Variants in ANKRD30B observed in about 807,000 individuals in gnomAD.
ANKRD30B encodes ankyrin repeat domain-containing protein 30B.
ANKRD30B carries 144 observed loss-of-function variants against 202.2 expected under a neutral mutation model. That is an observed-to-expected ratio of 0.71 (90% CI 0.62 to 0.82). The LOEUF is 0.82. Ranked by LOEUF, ANKRD30B falls within the 40% of genes least tolerant of loss-of-function variation. ANKRD30B has a pLI of 0.00. For synonymous variants in ANKRD30B, 508 were observed against 561.3 expected (o/e 0.91, Z 1.34); for missense variants, 1,487 against 1,669.1 (o/e 0.89, Z 1.90).
chr18:14,872,199 A>G, the ANKRD30B span, among the ~76,000 whole-genome samples: 1 of 152,194 alleles, frequency 6.6e-6, no homozygotes, highest in Non-Finnish European at 1.5e-5. Flanking sequence ...TCCTTATGCA[A>G]ATGACATTGT....
chr18:14,879,767 A>G, the ANKRD30B span, among the ~76,000 whole-genome samples: 2 of 149,846 alleles, frequency 1.3e-5, no homozygotes, highest in Admixed American at 6.7e-5. Flanking sequence ...GGGTCAGGGG[A>G]TAGGGGTCAG....
At chr18:14,888,334 T>G in the ANKRD30B span, among the ~76,000 whole-genome samples, 3 of 152,050 alleles carry the variant, frequency 2.0e-5, no homozygotes, top group South Asian at 6.2e-4. Flanking sequence ...ATTATTATTA[T>G]AGCAGCCATT....
intron 4 of ANKRD30B, among the ~76,000 whole-genome samples, chr18:14,756,277 T>G (rs1322226665): frequency 3.9e-5 from 6 of 152,214 alleles, no homozygotes; most frequent in Non-Finnish European, 8.8e-5. Flanking sequence ...TAAATTTGTT[T>G]GAGTTCATTG....
Position 14,752,645 on chromosome 18 carries a change from G to A in ANKRD30B, c.301G>A (p.Val101Ile). The change falls in exon 2 of 44, where the codon GTC becomes ATC. Residue 101 changes from valine (V) to isoleucine (I), a missense_variant. Coordinates refer to ENST00000690538, the MANE Select transcript of ANKRD30B (RefSeq NM_001367607.2). ...FLVDRKCQLN[V>I]LDGEGRTPLM... ...GGTAGACAGAAAGTGCCAGCTTAATGTCCTTGATGGCGAAGGGAGGACACC... is the reference window on the plus strand; with the variant it reads ...GGTAGACAGAAAGTGCCAGCTTAATATCCTTGATGGCGAAGGGAGGACACC... 6.2e-7 allele frequency: 1 copy of A among 1,609,560 alleles called. No individual in the cohort carries two copies. The highest frequency in any genetic ancestry group is 8.5e-7 in the Non-Finnish European group (1 of 1,177,292).
intron 34 of ANKRD30B, among the ~76,000 whole-genome samples, chr18:14,832,027 C>G (rs556530557): frequency 8.2e-4 from 125 of 151,992 alleles, no homozygotes; most frequent in African/African-American, 3.0e-3. Flanking sequence ...TTATCAGTTT[C>G]TCTTCTTGGT....
the ANKRD30B span, among the ~76,000 whole-genome samples, chr18:14,936,492 C>T: frequency 2.6e-5 from 4 of 152,224 alleles, no homozygotes; most frequent in African/African-American, 4.8e-5. Flanking sequence ...GGTGGAGAAA[C>T]GAGAGGCAGT....
At chr18:14,863,259 G>A in the ANKRD30B span, among the ~76,000 whole-genome samples, 1 of 147,354 alleles carries the variant, frequency 6.8e-6, no homozygotes, top group Non-Finnish European at 1.5e-5. Context: ...GTTGGTGGTG[G>A]GCCTAGTGGA....
chr18:14,911,517 G>C, the ANKRD30B span, among the ~76,000 whole-genome samples: 1 of 152,026 alleles, frequency 6.6e-6, no homozygotes, highest in Non-Finnish European at 1.5e-5. Flanking sequence ...ATGTTGTCTT[G>C]GTTATTGCAG....
intron 3 of ANKRD30B, among the ~76,000 whole-genome samples, chr18:14,753,676 T>G (rs2143646648): frequency 6.6e-6 from 1 of 152,296 alleles, no homozygotes; most frequent in Admixed American, 6.5e-5. Flanking sequence ...TTTCGAAGAC[T>G]TTTTAAACAA....
chr18:14,763,093 T>G (rs1237446814), intron 6 of ANKRD30B, among the ~76,000 whole-genome samples: 1 of 152,066 alleles, frequency 6.6e-6, no homozygotes, highest in Non-Finnish European at 1.5e-5. Context: ...AGCATTTTTC[T>G]TATTATTATT....
Position 14,797,793 on chromosome 18 carries a change from A to T in ANKRD30B, c.1968A>T (p.Gly656=). The change falls in exon 20 of 44, where the codon GGA becomes GGT. Residue 656 remains glycine (G), a synonymous_variant. Transcript: ENST00000690538. ...CCGAACCCATTTAGCCTACCTGTGG[A>T]AGGAAAGTTTCTCTTCCAAATAAAG... ...DKDGLLKPTC[G]RKVSLPNKAL... 1 of 1,559,460 alleles carries T rather than the reference A, an allele frequency of 6.4e-7. No homozygotes were observed.
At chr18:14,899,527 G>A in the ANKRD30B span, among the ~76,000 whole-genome samples, 1 of 151,982 alleles carries the variant, frequency 6.6e-6, no homozygotes, top group Non-Finnish European at 1.5e-5. Context: ...TCTTCTATTT[G>A]CAAATAGTGC....
intron 30 of ANKRD30B, among the ~76,000 whole-genome samples, chr18:14,818,690 C>A (rs1440146772): frequency 6.6e-6 from 1 of 151,940 alleles, no homozygotes; most frequent in African/African-American, 2.4e-5. Flanking sequence ...AGGACATGAA[C>A]TCATCATTTT....
chr18:14,784,640 A>G, intron 14 of ANKRD30B, 105 bp downstream of exon 14: 2 of 1,308,710 alleles, frequency 1.5e-6, no homozygotes, highest in South Asian at 1.5e-5. Context: ...TGATGAAAAG[A>G]TTTGATCTAG....
chr18:14,825,154 C>G (rs1970608943), intron 32 of ANKRD30B: 1 of 152,240 alleles, frequency 6.6e-6, no homozygotes, highest in Non-Finnish European at 1.5e-5. Flanking sequence ...GACTTACTCG[C>G]TGCCTGTGCA....
At chr18:14,820,178 T>C (rs1417806277) in intron 30 of ANKRD30B, among the ~76,000 whole-genome samples, 2 of 152,182 alleles carry the variant, frequency 1.3e-5, no homozygotes, top group Non-Finnish European at 2.9e-5. Flanking sequence ...GTTATTGGTG[T>C]ATAAGAATGC....
chr18:14,869,545 T>C, the ANKRD30B span, among the ~76,000 whole-genome samples: 60,783 of 152,090 alleles, frequency 0.4, 13,547 homozygotes, highest in East Asian at 0.58. Flanking sequence ...CAGATGACCA[T>C]AATAAATTAT....
Position 14,852,262 on chromosome 18 carries a change from C to T in ANKRD30B, c.4318C>T (p.His1440Tyr). Residue 1440 changes from histidine (H) to tyrosine (Y), a missense_variant, in exon 42 of 44, where the codon CAT becomes TAT. Physicochemically the swap from His to Tyr is moderately conservative, Grantham distance 83 (BLOSUM62 2). This residue lies in a region of ANKRD30B where 182 missense variants were observed against 216.0 expected (regional missense o/e 0.84). Transcript: ENST00000690538. ...GCTTCGACAGCAATTAGTTTATGCA[C>T]ATAAGAAAGTTAACAAAAGCAAGGT... is the stretch of plus-strand genomic sequence containing the variant. ...RWLRQQLVYA[H>Y]KKVNKSKVTI... The T allele has an allele frequency of 1.3e-6, 2 of 1,550,910 alleles. No individual in the cohort carries two copies. Among genetic ancestry groups the T allele is most frequent in the Middle Eastern group, 3.4e-4 (2 of 5,966 alleles).
At chr18:14,926,945 G>A in the ANKRD30B span, among the ~76,000 whole-genome samples, 1 of 151,668 alleles carries the variant, frequency 6.6e-6, no homozygotes, top group African/African-American at 2.4e-5. Flanking sequence ...GTGTGTGTGT[G>A]TGTATGTGTG....
Sources: gnomAD v4.1 joint callset for allele counts (sites outside exome capture counted in the v4.1 genomes callset) on GRCh38, gnomAD v4.1.1 for gene constraint, gnomAD v4.1.1 regional missense constraint, MANE v1.5 for transcripts, NCBI Gene and HGNC (gene_info 2026-07-23, HGNC 2026-07-21) for gene names.